Variants in TENM3 observed in about 807,000 individuals in gnomAD.
TENM3 encodes teneurin-3.
Under a neutral mutation model 255.1 loss-of-function variants are expected in TENM3, and 63 were observed. The observed-to-expected ratio is 0.25, with a 90% CI of 0.20 to 0.30. TENM3 has a LOEUF of 0.30. TENM3 is among the 10% of genes least tolerant of loss of function. The pLI, the probability that TENM3 is intolerant of heterozygous loss-of-function variation, is 1.00. For synonymous variants in TENM3, 1,306 were observed against 1,322.3 expected (o/e 0.99, Z 0.27); for missense variants, 2,929 against 3,461.1 (o/e 0.85, Z 3.86).
chr4:182,572,943 T>A (rs1251171675), intron 3 of TENM3, among the ~76,000 whole-genome samples: 1 of 152,186 alleles, frequency 6.6e-6, no homozygotes, highest in Non-Finnish European at 1.5e-5. Context: ...GAGAGCTTCA[T>A]ATAGTTCATC....
At chr4:181,781,430 G>A in the TENM3 span, among the ~76,000 whole-genome samples, 1 of 152,022 alleles carries the variant, frequency 6.6e-6, no homozygotes, top group South Asian at 2.1e-4. Flanking sequence ...GTCTGTTATT[G>A]GTGTATAAGA....
At chr4:181,479,740 A>G in the TENM3 span, among the ~76,000 whole-genome samples, 3 of 152,254 alleles carry the variant, frequency 2.0e-5, no homozygotes, top group East Asian at 5.8e-4. Flanking sequence ...ATGTATGTAT[A>G]TATTTTTCTT....
At chr4:181,616,989 C>T in the TENM3 span, among the ~76,000 whole-genome samples, 2 of 152,084 alleles carry the variant, frequency 1.3e-5, no homozygotes, top group African/African-American at 4.8e-5. Context: ...AGGTAGACAC[C>T]TTAAAATTAA....
At chr4:181,770,228 A>G in the TENM3 span, among the ~76,000 whole-genome samples, 181 of 152,326 alleles carry the variant, frequency 1.2e-3, 1 homozygote, top group African/African-American at 4.1e-3. Flanking sequence ...GGTTATATAT[A>G]TGAATAAATA....
At chr4:182,058,365 GTAA>G in the TENM3 span, among the ~76,000 whole-genome samples, 1 of 151,998 alleles carries the variant, frequency 6.6e-6, no homozygotes, top group Non-Finnish European at 1.5e-5. Context: ...TTTTTGAAAT[GTAA>G]AATTTACAAA....
At chr4:182,501,784 C>A (rs1419493810) in intron 3 of TENM3, among the ~76,000 whole-genome samples, 1 of 152,020 alleles carries the variant, frequency 6.6e-6, no homozygotes, top group Non-Finnish European at 1.5e-5. Flanking sequence ...AGTTATATGA[C>A]TTTTTTTAGT....
chr4:181,503,463 A>G, the TENM3 span, among the ~76,000 whole-genome samples: 10,141 of 152,268 alleles, frequency 0.067, 436 homozygotes, highest in South Asian at 0.14. Flanking sequence ...TTATTTGTAG[A>G]TTGCAAAACC....
chr4:182,006,885 T>A, the TENM3 span, among the ~76,000 whole-genome samples: 1 of 152,114 alleles, frequency 6.6e-6, no homozygotes, highest in African/African-American at 2.4e-5. Context: ...GTTTCTGTCT[T>A]AATACTGCTT....
At chr4:181,583,096 ATATT>A in the TENM3 span, among the ~76,000 whole-genome samples, 1 of 149,556 alleles carries the variant, frequency 6.7e-6, no homozygotes, top group Non-Finnish European at 1.5e-5. Context: ...GAGGTAGAAA[ATATT>A]TATTTTTTGT....
the TENM3 span, among the ~76,000 whole-genome samples, chr4:181,844,263 G>C: frequency 2.8e-3 from 420 of 152,176 alleles, 2 homozygotes; most frequent in Non-Finnish European, 3.8e-3. Context: ...ATGAACTTTG[G>C]GGGGACACAT....
intron 6 of TENM3, among the ~76,000 whole-genome samples, chr4:182,668,846 G>T (rs1209964859): frequency 6.6e-6 from 1 of 152,152 alleles, no homozygotes; most frequent in East Asian, 1.9e-4. Flanking sequence ...TAATCCTCTT[G>T]GGTAAACATA....
chr4:182,679,209 T>TA (rs1193885709), intron 7 of TENM3, among the ~76,000 whole-genome samples: 8 of 143,006 alleles, frequency 5.6e-5, no homozygotes, highest in Non-Finnish European at 1.1e-4. Context: ...AAAATAAAAT[T>TA]TAAAAAAAAG....
chr4:182,020,728 A>G, the TENM3 span, among the ~76,000 whole-genome samples: 8,769 of 152,274 alleles, frequency 0.058, 348 homozygotes, highest in South Asian at 0.093. Context: ...AAGCATTTCA[A>G]TGAAATCATA....
At chr4:182,085,883 T>C in the TENM3 span, among the ~76,000 whole-genome samples, 1 of 152,238 alleles carries the variant, frequency 6.6e-6, no homozygotes, top group Non-Finnish European at 1.5e-5. Context: ...CTTTGCTTTC[T>C]TTTGTCCTCT....
the TENM3 span, among the ~76,000 whole-genome samples, chr4:181,695,356 G>T: frequency 1.3e-5 from 2 of 152,198 alleles, no homozygotes; most frequent in East Asian, 3.8e-4. Context: ...CAGAGGGGGA[G>T]CAGTGATGTG....
the TENM3 span, among the ~76,000 whole-genome samples, chr4:181,825,602 A>G: frequency 6.6e-6 from 1 of 152,130 alleles, no homozygotes; most frequent in South Asian, 2.1e-4. Flanking sequence ...GAATTTGGAT[A>G]TTTGGTAAAC....
intron 3 of TENM3, among the ~76,000 whole-genome samples, chr4:182,474,298 C>A (rs1733449012): frequency 6.6e-6 from 1 of 152,146 alleles, no homozygotes; most frequent in Non-Finnish European, 1.5e-5. Flanking sequence ...ATTATTAATG[C>A]ACTTGAAAAT....
At chr4:182,424,519 A>T (rs188487537) in intron 3 of TENM3, among the ~76,000 whole-genome samples, 1,762 of 150,194 alleles carry the variant, frequency 0.012, 19 homozygotes, top group African/African-American at 0.028. Flanking sequence ...CTATTTTTTT[A>T]AAAAAAATGT....
chr4:181,963,717 A>G, the TENM3 span, among the ~76,000 whole-genome samples: 10 of 152,234 alleles, frequency 6.6e-5, no homozygotes, highest in African/African-American at 2.4e-4. Flanking sequence ...AGCCCCTAGC[A>G]GTGGATAGAA....
Sources: allele counts gnomAD v4.1 joint callset (sites outside exome capture counted in the v4.1 genomes callset), GRCh38; gene constraint gnomAD v4.1.1; transcripts MANE v1.5; gene names NCBI Gene and HGNC (gene_info 2026-07-23, HGNC 2026-07-21).